Variants in PALLD observed in about 807,000 individuals in gnomAD.
PALLD encodes palladin.
Under a neutral mutation model 123.5 loss-of-function variants are expected in PALLD, and 61 were observed. The ratio of observed to expected loss-of-function variants is 0.49; its 90% CI spans 0.40 to 0.61. PALLD has a LOEUF of 0.61. Ranked by LOEUF, PALLD falls within the 20% of genes least tolerant of loss-of-function variation. The pLI, the probability that PALLD is intolerant of heterozygous loss-of-function variation, is 0.00. For synonymous variants in PALLD, 465 were observed against 496.4 expected (o/e 0.94, Z 0.84); for missense variants, 1,273 against 1,377.0 (o/e 0.92, Z 1.20).
intron 8 of PALLD, among the ~76,000 whole-genome samples, chr4:168,696,578 A>T: frequency 6.6e-6 from 1 of 152,146 alleles, no homozygotes; most frequent in East Asian, 1.9e-4. Context: ...GAACTTTGAG[A>T]AAATGGGTTT....
At chr4:168,912,452 C>T (rs1759168604) in intron 15 of PALLD, among the ~76,000 whole-genome samples, 1 of 152,096 alleles carries the variant, frequency 6.6e-6, no homozygotes, top group Admixed American at 6.5e-5. Flanking sequence ...CTGCTGGTAA[C>T]AGTGAAAAAA....
At chr4:168,552,151 T>C (rs1766802249) in intron 2 of PALLD, among the ~76,000 whole-genome samples, 1 of 152,156 alleles carries the variant, frequency 6.6e-6, no homozygotes, top group Non-Finnish European at 1.5e-5. Context: ...GTCACCCAAG[T>C]TGACTCAGCC....
chr4:168,884,536 C>G (rs569785303), intron 10 of PALLD, among the ~76,000 whole-genome samples: 20 of 152,350 alleles, frequency 1.3e-4, no homozygotes, highest in Admixed American at 2.0e-4. Context: ...GCTCATACTT[C>G]TGTCCTTTCA....
chr4:168,499,717 C>T (rs548038354), intron 1 of PALLD, among the ~76,000 whole-genome samples: 1 of 152,138 alleles, frequency 6.6e-6, no homozygotes, highest in South Asian at 2.1e-4. Flanking sequence ...TTATTCCAAC[C>T]ATTTTCATAT....
At chr4:168,628,614 T>C (rs1775525097) in intron 2 of PALLD, among the ~76,000 whole-genome samples, 1 of 152,144 alleles carries the variant, frequency 6.6e-6, no homozygotes, top group African/African-American at 2.4e-5. Context: ...CATGATCAAG[T>C]CTTTGCTCAC....
At chr4:168,797,944 T>C (rs112792288) in intron 10 of PALLD, among the ~76,000 whole-genome samples, 5 of 151,536 alleles carry the variant, frequency 3.3e-5, no homozygotes, top group African/African-American at 1.2e-4. Context: ...CTGATCCTAA[T>C]CTGGCTATTT....
rs1010156725 is a variant in PALLD at position 168,634,758 on chromosome 4, G to A, written c.909-33432G>A. Among the ~76,000 whole-genome samples the A allele has an allele frequency of 5.9e-5, 9 of 152,308 alleles. No individual in the cohort carries two copies. The East Asian group carries it at 7.7e-4, about 13-fold the overall frequency. ...AGGTTATGGGCATATGAAGTGTAGC[G>A]TAAAGAAAATATATTTTACTACTTT... On this transcript the variant is annotated intron_variant, in intron 2 of 21. Transcript: ENST00000505667.
Position 168,711,678 on chromosome 4 carries a change from C to G in PALLD, c.1719C>G (p.Ser573=), listed in dbSNP as rs775218291. Residue 573 remains serine (S), a synonymous_variant, in exon 10 of 22, where the codon TCC becomes TCG. Transcript: ENST00000505667. Reference sequence around the variant, plus strand: ...CCCCTCCAATCTTGGAGACAAGTTCCTTGGAGTTGGCTTCAAAGAAACCAT... The same window carrying G: ...CCCCTCCAATCTTGGAGACAAGTTCGTTGGAGTTGGCTTCAAAGAAACCAT... The part of the protein sequence containing the change: ...PPPPPILETS[S]LELASKKPSE... The G allele has an allele frequency of 1.2e-6, 2 of 1,613,952 alleles. No individual in the cohort carries two copies. The highest frequency in any genetic ancestry group is 4.5e-5 in the East Asian group (2 of 44,896).
intron 10 of PALLD, among the ~76,000 whole-genome samples, chr4:168,813,221 T>C (rs979158096): frequency 2.0e-5 from 3 of 152,126 alleles, no homozygotes; most frequent in Non-Finnish European, 2.9e-5. Context: ...CTGTAGAAGG[T>C]AAGGAGGAGA....
At chr4:168,851,032 T>C (rs1359548989) in intron 10 of PALLD, among the ~76,000 whole-genome samples, 1 of 152,166 alleles carries the variant, frequency 6.6e-6, no homozygotes, top group Non-Finnish European at 1.5e-5. Context: ...AGGAGGTCAG[T>C]GGGTGCCGTC....
chr4:168,557,286 T>TAA (rs1767418183), intron 2 of PALLD, among the ~76,000 whole-genome samples: 2 of 152,226 alleles, frequency 1.3e-5, no homozygotes, highest in African/African-American at 4.8e-5. Context: ...TCAGGTGATC[T>TAA]GCCCATCTCA....
chr4:168,922,238 C>A (rs1458888017), intron 18 of PALLD, among the ~76,000 whole-genome samples: 1 of 151,916 alleles, frequency 6.6e-6, no homozygotes, highest in Non-Finnish European at 1.5e-5. Context: ...TAGGTAAATT[C>A]TGTAAAAGTG....
At chr4:168,701,373 A>T (rs1455813684) in intron 8 of PALLD, among the ~76,000 whole-genome samples, 2 of 152,212 alleles carry the variant, frequency 1.3e-5, no homozygotes, top group African/African-American at 4.8e-5. Context: ...CCATGTTAAA[A>T]TTTTTTATTT....
At chr4:168,591,932 G>A (rs1326669399) in intron 2 of PALLD, among the ~76,000 whole-genome samples, 2 of 151,818 alleles carry the variant, frequency 1.3e-5, no homozygotes, top group East Asian at 3.9e-4. Context: ...AGTCACTTGG[G>A]TATTTGAGAA....
intron 10 of PALLD, among the ~76,000 whole-genome samples, chr4:168,882,079 CA>C (rs1446491115): frequency 6.6e-6 from 1 of 152,212 alleles, no homozygotes. Context: ...TTTATATAAG[CA>C]GGGCTTTGGT....
chr4:168,773,518 GCT>G lies in PALLD; in HGVS notation c.1964+61601_1964+61602del, dbSNP rs552521683. ...AGTGCTGTTCAGGTGTGATCTCACAGCTCTCTCAGCATTTTCATCACTGCCAC... is the reference window on the plus strand; with the variant it reads ...AGTGCTGTTCAGGTGTGATCTCACAGCTCTCAGCATTTTCATCACTGCCAC... On this transcript the variant is annotated intron_variant, in intron 10 of 21. Transcript: ENST00000505667. 6.4e-4 allele frequency among the ~76,000 whole-genome samples: 97 copies of G among 152,312 alleles called. 1 individual carries two copies. The highest frequency in any genetic ancestry group is 2.2e-3 in the African/African-American group (92 of 41,570).
intron 2 of PALLD, among the ~76,000 whole-genome samples, chr4:168,627,741 C>T (rs532975288): frequency 2.6e-5 from 4 of 152,266 alleles, no homozygotes; most frequent in South Asian, 2.1e-4. Flanking sequence ...AAGGGATAAT[C>T]TCCTTAACAT....
At chr4:168,769,785 G>A (rs948914507) in intron 10 of PALLD, among the ~76,000 whole-genome samples, 7 of 152,204 alleles carry the variant, frequency 4.6e-5, no homozygotes, top group Non-Finnish European at 7.3e-5. Flanking sequence ...CCAGAGGGCA[G>A]GAGGGATGAA....
rs1285704513 is a variant in PALLD at position 168,927,588 on chromosome 4, A to ATAAAG, written c.*1411_*1415dup. 1.3e-5 allele frequency: 3 copies of ATAAAG among 229,618 alleles called. No individual in the cohort carries two copies. Among genetic ancestry groups the ATAAAG allele is most frequent in the East Asian group, 6.2e-5 (1 of 16,230 alleles). 14.2% of individuals were successfully genotyped at this position (229,618 alleles called of 1,614,324 possible). On this transcript the variant is annotated 3_prime_UTR_variant, in exon 22 of 22. Coordinates refer to ENST00000505667, the MANE Select transcript of PALLD (RefSeq NM_001166108.2). ...GGAGAGACAAAAACAGGTTTGTGCC[A>ATAAAG]TAAAGTATTTTTTCAAAGACACCAA...
Sources: allele counts gnomAD v4.1 joint callset (sites outside exome capture counted in the v4.1 genomes callset), GRCh38; gene constraint gnomAD v4.1.1; transcripts MANE v1.5; gene names NCBI Gene and HGNC (gene_info 2026-07-23, HGNC 2026-07-21).